The following PLXNB3 variants were observed in gnomAD, a reference collection of about 807,000 sequenced individuals.
PLXNB3 encodes plexin B3, also known as plexin-B3.
A neutral mutation model predicts 125.7 loss-of-function variants in PLXNB3; 80 were observed. The ratio of observed to expected loss-of-function variants is 0.64; its 90% CI spans 0.53 to 0.77. The LOEUF (loss-of-function observed/expected upper bound fraction) is 0.77, where lower values mean the gene tolerates loss of function less well. Ranked by LOEUF, PLXNB3 falls within the 30% of genes least tolerant of loss-of-function variation. The pLI, the probability that PLXNB3 is intolerant of heterozygous loss-of-function variation, is 0.00. For synonymous variants in PLXNB3, 954 were observed against 783.3 expected (o/e 1.22, Z -3.64); for missense variants, 1,836 against 1,729.3 (o/e 1.06, Z -1.09).
chrX:153,770,733 G>C, intron 10 of PLXNB3, 25 bp from the exon 11 acceptor site: 3 of 1,202,796 alleles, frequency 2.5e-6, no homozygotes, highest in Non-Finnish European at 3.4e-6. Flanking sequence ...GAGTTCTGAA[G>C]GGCTGAGGGC....
chrX:153,776,278 C>T, intron 27 of PLXNB3, 64 bp downstream of exon 27: 2 of 1,041,284 alleles, frequency 1.9e-6, no homozygotes, highest in Non-Finnish European at 2.6e-6. Flanking sequence ...GCACCTGGAG[C>T]CCCTCAACTG....
At position 153,777,321 on chromosome X, in the gene PLXNB3, G is replaced by A. The variant is rs782308553; in HGVS notation, c.5041G>A (p.Glu1681Lys). 13 of 1,206,402 alleles carry A rather than the reference G, an allele frequency of 1.1e-5. No homozygotes were observed. Among genetic ancestry groups the A allele is most frequent in the Middle Eastern group, 2.3e-4 (1 of 4,356 alleles). Residue 1681 changes from glutamate to lysine, a missense_variant, in exon 30 of 36, where the codon GAG (glutamate) becomes AAG (lysine). By Grantham distance (56) the Glu-to-Lys change is moderately conservative. Transcript: ENST00000361971. ...GCGGTGCAGCAGCCTGCGGGAGCGC[G>A]AGCCAGCAAGGGCCAAGGCCATTCC... ...KVRCSSLRER[E>K]PARAKAIPEI...
At position 153,774,872 on chromosome X, in the gene PLXNB3, C is replaced by T. The variant is rs1557063451; in HGVS notation, c.3932-8C>T. ...GAACTCACACCTCGGCGCCTCCTGG[C>T]CCCGCAGACCTCATGACGGAGATGA... On this transcript the variant is annotated splice_polypyrimidine_tract_variant and splice_region_variant and intron_variant, in intron 23 of 35. Coordinates refer to ENST00000361971, the MANE Select transcript of PLXNB3 (RefSeq NM_005393.3). 1 of 1,202,038 alleles carries T rather than the reference C, an allele frequency of 8.3e-7. No homozygotes were observed. The highest frequency in any genetic ancestry group is 1.8e-5 in the South Asian group (1 of 55,335).
At position 153,775,271 on chromosome X, in the gene PLXNB3, G is replaced by A. The variant is rs782360488; in HGVS notation, c.4202G>A (p.Arg1401His). ...EEQPSFSQRD[R>H]CHVASLLSLA... ...CAGCCCAGCTTTTCCCAGAGGGATC[G>A]CTGCCATGTGGCTTCGCTGCTGTCG... Residue 1401 changes from arginine to histidine, a missense_variant, in exon 25 of 36, where the codon CGC becomes CAC. By Grantham distance (29) the Arg-to-His change is conservative. Transcript: ENST00000361971. 6.7e-6 allele frequency: 8 copies of A among 1,202,746 alleles called. No individual in the cohort carries two copies. The East Asian group carries it at 8.9e-5, about 13-fold the overall frequency.
chrX:153,772,934 G>A lies in PLXNB3; in HGVS notation c.2824G>A (p.Gly942Ser). 1 of 1,184,745 alleles carries A rather than the reference G, an allele frequency of 8.4e-7. No individual in the cohort carries two copies. The highest frequency in any genetic ancestry group is 1.8e-5 in the African/African-American group (1 of 56,741). The change falls in exon 17 of 36, where the codon GGC (glycine) becomes AGC (serine). Residue 942 changes from glycine (G) to serine (S), a missense_variant. Gly to Ser is a moderately conservative substitution (Grantham distance 56). Coordinates refer to ENST00000361971, the MANE Select transcript of PLXNB3 (RefSeq NM_005393.3). ...LSPRWGPQAG[G>S]TQLTIRGQHL... is the part of the protein sequence containing the mutation. ...TCCTCGCTGGGGCCCCCAGGCAGGG[G>A]GCACCCAGCTCACCATCCGAGGTCA... is the stretch of plus-strand genomic sequence containing the variant.
chrX:153,772,020 G>C lies in PLXNB3; in HGVS notation c.2669+5G>C. ...TCTCTACCGCACGTCGGCCCGGTGAGGCACTTGGAGGGTGAAGATGGGTGG... is the reference window on the plus strand; with the variant it reads ...TCTCTACCGCACGTCGGCCCGGTGACGCACTTGGAGGGTGAAGATGGGTGG... On this transcript the variant is annotated splice_donor_5th_base_variant and intron_variant, in intron 15 of 35. Transcript: ENST00000361971. The C allele has an allele frequency of 8.5e-7, 1 of 1,182,148 alleles. No individual in the cohort carries two copies. Among genetic ancestry groups the C allele is most frequent in the Non-Finnish European group, 1.1e-6 (1 of 880,235 alleles).
In PLXNB3 at chrX:153,774,948, C is replaced by T. The variant is rs782142714; in HGVS notation, c.4000C>T (p.Arg1334Cys). The part of the protein sequence containing the change: ...EGSGIPFLDY[R>C]TYAERAFFPG... The stretch of plus-strand genomic sequence containing the variant: ...CAGCGGGATCCCCTTCCTGGACTAC[C>T]GCACCTACGCCGAGCGCGCCTTCTT... Residue 1334 changes from arginine to cysteine, a missense_variant, in exon 24 of 36, where the codon CGC (arginine) becomes TGC (cysteine). Arg to Cys is a radical substitution (Grantham distance 180, BLOSUM62 -3). Coordinates refer to ENST00000361971, the MANE Select transcript of PLXNB3 (RefSeq NM_005393.3). 5.0e-6 allele frequency: 6 copies of T among 1,188,548 alleles called. No individual in the cohort carries two copies. The highest frequency in any genetic ancestry group is 3.7e-5 in the South Asian group (2 of 53,514).
intron 3 of PLXNB3, 92 bp downstream of exon 3, chrX:153,768,005 C>T: frequency 1.0e-6 from 1 of 962,361 alleles, no homozygotes; most frequent in Non-Finnish European, 1.4e-6. Flanking sequence ...AAGTGCCAGC[C>T]AACCTCTCAG....
chrX:153,771,777 T>C (rs2091932940), intron 14 of PLXNB3, 87 bp from the exon 15 acceptor site: 1 of 1,143,475 alleles, frequency 8.7e-7, no homozygotes, highest in African/African-American at 1.8e-5. Context: ...TCGGCCTGGC[T>C]GGGCTGGTTG....
Position 153,767,692 on chromosome X carries a change from A to G in PLXNB3, c.865A>G (p.Ile289Val), listed in dbSNP as rs782073075. 3.0e-5 allele frequency: 36 copies of G among 1,184,828 alleles called. No individual in the cohort carries two copies. Among genetic ancestry groups the G allele is most frequent in the Non-Finnish European group, 5.7e-6 (5 of 882,162 alleles). Residue 289 changes from isoleucine to valine, a missense_variant, in exon 3 of 36, where the codon ATC (isoleucine) becomes GTC (valine). Transcript: ENST00000361971. The part of the protein sequence containing the change: ...VPLACQGQGL[I>V]QAAFLAPGTL... ...CCTCGCCTGCCAGGGCCAGGGCCTCATCCAGGCCGCCTTCCTTGCCCCGGG... is the reference window on the plus strand; with the variant it reads ...CCTCGCCTGCCAGGGCCAGGGCCTCGTCCAGGCCGCCTTCCTTGCCCCGGG...
At position 153,771,523 on chromosome X, in the gene PLXNB3, C is replaced by A; in HGVS notation, c.2385C>A (p.Cys795Ter). The A allele has an allele frequency of 8.3e-7, 1 of 1,206,071 alleles. No homozygotes were observed. The highest frequency in any genetic ancestry group is 1.1e-6 in the Non-Finnish European group (1 of 892,487). ...LYDCAMGHPD[C>*]SHCQAANRSL... ...ACTGCGCCATGGGCCACCCGGACTG[C>A]AGCCACTGCCAAGCGGCCAACAGGA... Residue 795 changes from cysteine to a stop codon, truncating the protein, a stop_gained, in exon 14 of 36, where the codon TGC becomes TGA. Coordinates refer to ENST00000361971, the MANE Select transcript of PLXNB3 (RefSeq NM_005393.3). LOFTEE classifies it high-confidence loss of function.
In PLXNB3 at chrX:153,777,363, C is replaced by T; in HGVS notation, c.5083C>T (p.Arg1695Cys). ...AKAIPEIYLT[R>C]LLSMKGTLQK... ...GGCCATTCCGGAAATCTACCTCACC[C>T]GTCTGCTGTCCATGAAGGTTGGTGC... is the stretch of plus-strand genomic sequence containing the variant. Residue 1695 changes from arginine (R) to cysteine (C), a missense_variant, in exon 30 of 36, where the codon CGT becomes TGT. By Grantham distance (180) the Arg-to-Cys change is radical. Transcript: ENST00000361971. 3 of 1,199,925 alleles carry T rather than the reference C, an allele frequency of 2.5e-6. No individual in the cohort carries two copies. The highest frequency in any genetic ancestry group is 1.7e-5 in the African/African-American group (1 of 57,774).
In PLXNB3 at chrX:153,773,705, C is replaced by T; in HGVS notation, c.3271C>T (p.Leu1091=). The change falls in exon 19 of 36, where the codon CTG becomes TTG. Residue 1091 remains leucine, a synonymous_variant. Coordinates refer to ENST00000361971, the MANE Select transcript of PLXNB3 (RefSeq NM_005393.3). ...GGCTTGTATCCAGCTCGGTGGGGGG[C>T]TGCTGCAGGTGAGCCCCTCACCAGC... is the stretch of plus-strand genomic sequence containing the variant. ...PQACIQLGGG[L]LQCSTVCSVN... 1 of 1,163,878 alleles carries T rather than the reference C, an allele frequency of 8.6e-7. No homozygotes were observed. The highest frequency in any genetic ancestry group is 1.1e-6 in the Non-Finnish European group (1 of 872,599).
Position 153,768,948 on chromosome X carries a change from G to A in PLXNB3, c.1267G>A (p.Val423Ile). 5 of 1,210,536 alleles carry A rather than the reference G, an allele frequency of 4.1e-6. No homozygotes were observed. The highest frequency in any genetic ancestry group is 5.6e-6 in the Non-Finnish European group (5 of 894,769). Residue 423 changes from valine (V) to isoleucine (I), a missense_variant and splice_region_variant, in exon 5 of 36, where the codon GTC (valine) becomes ATC (isoleucine). Transcript: ENST00000361971. ...GCCTCGTCCTTGTCCCCCCACTCAG[G>A]TCTTTCTCCACGGCTCCCAGGGCCA... The part of the protein sequence containing the change: ...LGDTQGQLYK[V>I]FLHGSQGQVY...
At chrX:153,766,013 C>G in intron 2 of PLXNB3, 1 of 1,037,556 alleles carries the variant, frequency 9.6e-7, no homozygotes, top group African/African-American at 1.9e-5. Context: ...CTCTCCTGGT[C>G]TGCTCTTCTC....
In PLXNB3 at chrX:153,773,239, A is replaced by T; in HGVS notation, c.2916A>T (p.Pro972=). Residue 972 remains proline, a synonymous_variant, in exon 18 of 36, where the codon CCA becomes CCT. Transcript: ENST00000361971. The part of the protein sequence containing the change: ...VGGQPCPILE[P]VCPEAIVCRT... ...ACTACCCATCCTGCAGCCTGGAGCC[A>T]GTGTGTCCGGAGGCCATCGTGTGCC... The T allele has an allele frequency of 8.3e-7, 1 of 1,204,870 alleles. No individual in the cohort carries two copies. Among genetic ancestry groups the T allele is most frequent in the South Asian group, 1.8e-5 (1 of 56,306 alleles).
intron 25 of PLXNB3, 77 bp from the exon 26 acceptor site, chrX:153,775,517 G>GA: frequency 8.7e-7 from 1 of 1,153,090 alleles, no homozygotes; most frequent in Non-Finnish European, 1.2e-6. Context: ...GCCCCAGCAG[G>GA]TGGGGGGAAG....
chrX:153,773,133 G>C, intron 17 of PLXNB3, 97 bp from the exon 18 acceptor site: 13 of 1,086,581 alleles, frequency 1.2e-5, no homozygotes, highest in Non-Finnish European at 1.6e-5. Context: ...CCCTTGTCAA[G>C]GCAGGCAAAG....
At position 153,767,505 on chromosome X, in the gene PLXNB3, C is replaced by T; in HGVS notation, c.678C>T (p.Asp226=). ...SEGLGRLVVG[D]FSDYNNSYVG... is the part of the protein sequence containing the mutation. ...GCCTGGGCCGCCTGGTGGTGGGCGA[C>T]TTCTCCGACTACAACAACAGCTACG... The change falls in exon 3 of 36, where the codon GAC becomes GAT. Residue 226 remains aspartate (D), a synonymous_variant. Transcript: ENST00000361971. The T allele has an allele frequency of 8.5e-7, 1 of 1,182,706 alleles. No individual in the cohort carries two copies. Among genetic ancestry groups the T allele is most frequent in the South Asian group, 1.9e-5 (1 of 52,533 alleles).
Sources: gnomAD v4.1 joint callset for allele counts on GRCh38, gnomAD v4.1.1 for gene constraint, MANE v1.5 for transcripts, NCBI Gene and HGNC (gene_info 2026-07-23, HGNC 2026-07-21) for gene names.